ARPC3: variants seen among roughly 807,000 people sequenced by gnomAD.
ARPC3 encodes the protein actin related protein 2/3 complex subunit 3.
Under a neutral mutation model 27.6 loss-of-function variants are expected in ARPC3, and 12 were observed. The observed-to-expected ratio is 0.43, with a 90% CI of 0.28 to 0.70. The LOEUF is 0.70. Among genes scored for constraint, ARPC3 ranks in the 30% least tolerant of loss-of-function variants. ARPC3 has a pLI of 0.17. For missense variants in ARPC3, 153 were observed against 207.7 expected (o/e 0.74, Z 1.62); for synonymous variants, 53 against 67.2 (o/e 0.79, Z 1.03).
intron 6 of ARPC3, among the ~76,000 whole-genome samples, chr12:110,435,608 G>T (rs532665723): frequency 6.6e-6 from 1 of 152,122 alleles, no homozygotes; most frequent in East Asian, 1.9e-4. Context: ...GGGATTAGAG[G>T]CGTGAGCCAC....
chr12:110,435,260 TA>T, intron 6 of ARPC3, 43 bp from the exon 7 acceptor site: 7 of 1,412,742 alleles, frequency 5.0e-6, no homozygotes, highest in Non-Finnish European at 7.0e-6. Flanking sequence ...GGGGTCAAAT[TA>T]CAATAGAATT....
intron 3 of ARPC3, chr12:110,437,441 CACTGCA>C (rs2062412830): frequency 2.8e-6 from 1 of 352,986 alleles, no homozygotes; most frequent in Non-Finnish European, 5.4e-6. Context: ...AATCTCAGCT[CACTGCA>C]ACCTCCACCT....
chr12:110,446,442 G>C (rs1038665796), intron 1 of ARPC3, among the ~76,000 whole-genome samples: 3 of 148,936 alleles, frequency 2.0e-5, no homozygotes, highest in African/African-American at 4.9e-5. Flanking sequence ...GGATTATAGG[G>C]ATAAGCCACC....
In ARPC3 at chr12:110,450,143, G is replaced by C. The variant is rs1048257041; in HGVS notation, c.6+112C>G. 4.1e-6 allele frequency: 6 copies of C among 1,477,290 alleles called. No homozygotes were observed. In the African/African-American group the frequency reaches 7.0e-5, roughly 17 times the overall value. The allele number at this position is 1,477,290 out of a possible 1,614,324, so 91.5% of individuals were successfully genotyped here. A position where few individuals can be genotyped will look rare whatever the true frequency, so the allele number is the denominator to read the frequency against. On this transcript the variant is annotated intron_variant, in intron 1 of 6. Transcript: ENST00000228825. ...CCTCCCCTCGCCTCCCTCCTTCTCG[G>C]GCCCCAGCTTCCTCTCTGCCTTCCG...
At chr12:110,445,387 TG>T in intron 2 of ARPC3, 64 bp downstream of exon 2, 1 of 1,270,862 alleles carries the variant, frequency 7.9e-7, no homozygotes, top group South Asian at 1.2e-5. Flanking sequence ...TTTTCTGATT[TG>T]ATCATTTCAG....
At chr12:110,436,249 C>G (rs1033343312) in intron 5 of ARPC3, 45 bp from the exon 6 acceptor site, 2 of 1,436,602 alleles carry the variant, frequency 1.4e-6, no homozygotes, top group African/African-American at 2.8e-5. Flanking sequence ...CAAATACATC[C>G]CAAATGTACT....
Position 110,434,899 on chromosome 12 carries a change from C to G in ARPC3, c.*256G>C. On this transcript the variant is annotated 3_prime_UTR_variant, in exon 7 of 7. Coordinates refer to ENST00000228825, the MANE Select transcript of ARPC3 (RefSeq NM_001278556.2). ...AAGACTGGCAATAAAGTTTTTCTGACATGGAATGTTAGAAATTTCTTTATT... is the reference window on the plus strand; with the variant it reads ...AAGACTGGCAATAAAGTTTTTCTGAGATGGAATGTTAGAAATTTCTTTATT... 1 of 643,462 alleles carries G rather than the reference C, an allele frequency of 1.6e-6. No homozygotes were observed. 39.9% of individuals were successfully genotyped at this position (643,462 alleles called of 1,614,324 possible). A position where few individuals can be genotyped will look rare whatever the true frequency, so the allele number is the denominator to read the frequency against.
At chr12:110,436,516 T>C (rs939100349) in intron 5 of ARPC3, 41 bp downstream of exon 5, 1 of 1,612,774 alleles carries the variant, frequency 6.2e-7, no homozygotes, top group Non-Finnish European at 8.5e-7. Flanking sequence ...ATGGAGAAAA[T>C]CTTCTTGTGT....
chr12:110,439,306 G>A (rs983201060), intron 3 of ARPC3, among the ~76,000 whole-genome samples: 4 of 151,804 alleles, frequency 2.6e-5, no homozygotes, highest in African/African-American at 4.8e-5. Flanking sequence ...TTGTAGAGAC[G>A]GGGGTTCGCC....
chr12:110,437,924 CT>C (rs2062414988), intron 3 of ARPC3, among the ~76,000 whole-genome samples: 1 of 152,160 alleles, frequency 6.6e-6, no homozygotes. Context: ...ATCTCAATGT[CT>C]TGACCTAACC....
chr12:110,449,766 A>G (rs2062489763), intron 1 of ARPC3, among the ~76,000 whole-genome samples: 1 of 152,104 alleles, frequency 6.6e-6, no homozygotes, highest in Non-Finnish European at 1.5e-5. Context: ...GCGCCGAACG[A>G]GTCTGTGAGG....
At chr12:110,438,584 C>T (rs1221666467) in intron 3 of ARPC3, among the ~76,000 whole-genome samples, 4 of 150,582 alleles carry the variant, frequency 2.7e-5, no homozygotes, top group African/African-American at 4.9e-5. Context: ...GGTGACAGAG[C>T]GGGACTCTGT....
chr12:110,440,519 TA>T (rs2062429364), intron 2 of ARPC3, 131 bp from the exon 3 acceptor site: 1 of 686,252 alleles, frequency 1.5e-6, no homozygotes, highest in Non-Finnish European at 2.6e-6. Flanking sequence ...AAAATGATCC[TA>T]TTGAAATACA....
chr12:110,445,558 T>C lies in ARPC3; in HGVS notation c.7-7A>G, dbSNP rs757296400. ...TGAGAGAAGAGTGGTAAGCCTGTAA[T>C]GGCAAGCCCAGGAAGAACACAGAAG... On this transcript the variant is annotated splice_region_variant and splice_polypyrimidine_tract_variant and intron_variant, in intron 1 of 6. Coordinates refer to ENST00000228825, the MANE Select transcript of ARPC3 (RefSeq NM_001278556.2). 4 of 1,587,934 alleles carry C rather than the reference T, an allele frequency of 2.5e-6. No homozygotes were observed. The highest frequency in any genetic ancestry group is 3.5e-6 in the Non-Finnish European group (4 of 1,156,280).
intron 3 of ARPC3, among the ~76,000 whole-genome samples, chr12:110,438,286 A>G (rs1356522015): frequency 7.0e-6 from 1 of 142,220 alleles, no homozygotes. Context: ...ACAGAGCAAG[A>G]CTCTGTCTCG....
chr12:110,445,852 C>T (rs2062461476), intron 1 of ARPC3, among the ~76,000 whole-genome samples: 1 of 152,150 alleles, frequency 6.6e-6, no homozygotes, highest in East Asian at 1.9e-4. Flanking sequence ...GCCTGTAATC[C>T]CAGCACTTTG....
intron 6 of ARPC3, 139 bp downstream of exon 6, chr12:110,435,971 T>C (rs2062401780): frequency 2.6e-6 from 2 of 780,098 alleles, no homozygotes; most frequent in Admixed American, 1.8e-5. Context: ...TATTACATAC[T>C]AGACATATAC....
intron 2 of ARPC3, among the ~76,000 whole-genome samples, chr12:110,441,162 C>T (rs1005947744): frequency 2.8e-5 from 4 of 142,858 alleles, no homozygotes; most frequent in Non-Finnish European, 3.0e-5. Context: ...TTTTTTGAGA[C>T]GGAGTCTTGC....
chr12:110,438,701 T>C (rs2062419159), intron 3 of ARPC3, among the ~76,000 whole-genome samples: 1 of 150,050 alleles, frequency 6.7e-6, no homozygotes, highest in African/African-American at 2.4e-5. Flanking sequence ...TGGAGTGCAA[T>C]GGCGTGATAT....
Sources: gnomAD v4.1 joint callset for allele counts (sites outside exome capture counted in the v4.1 genomes callset) on GRCh38, gnomAD v4.1.1 for gene constraint, MANE v1.5 for transcripts, NCBI Gene and HGNC (gene_info 2026-07-23, HGNC 2026-07-21) for gene names.